ANKRD60: variants seen among roughly 807,000 people sequenced by gnomAD.
ANKRD60 encodes the protein ankyrin repeat domain-containing protein 60.
In ANKRD60, 24 loss-of-function variants were observed where a neutral mutation model predicts 21.3. That is an observed-to-expected ratio of 1.13 (90% CI 0.82 to 1.59). ANKRD60 has a LOEUF of 1.59. Ranked by LOEUF, ANKRD60 falls within the 40% of genes most tolerant of loss-of-function variation. ANKRD60 has a pLI of 0.00. For synonymous variants in ANKRD60, 182 were observed against 199.4 expected (o/e 0.91, Z 0.74); for missense variants, 490 against 466.7 (o/e 1.05, Z -0.46).
intron 3 of ANKRD60, among the ~76,000 whole-genome samples, chr20:58,220,261 C>G (rs1387282059): frequency 2.0e-5 from 3 of 152,140 alleles, no homozygotes; most frequent in African/African-American, 7.2e-5. Context: ...GTGGTCTGGG[C>G]TGTTACAGCT....
In ANKRD60 at chr20:58,227,984, G is replaced by A. The variant is rs555004410; in HGVS notation, c.430+240C>T. On this transcript the variant is annotated intron_variant, in intron 1 of 3. Coordinates refer to ENST00000457363, the Ensembl canonical transcript of ANKRD60. ...GCTTGTGGATTAGGGTCCTGCTGTGGACAAGGTTTGCCTTGATTGGGAGTC... is the reference window on the plus strand; with the variant it reads ...GCTTGTGGATTAGGGTCCTGCTGTGAACAAGGTTTGCCTTGATTGGGAGTC... 1.9e-3 allele frequency among the ~76,000 whole-genome samples: 285 copies of A among 152,274 alleles called. 1 individual carries two copies. The highest frequency in any genetic ancestry group is 5.6e-3 in the African/African-American group (232 of 41,548).
intron 3 of ANKRD60, 68 bp from the exon 4 acceptor site, chr20:58,218,873 G>A: frequency 7.1e-7 from 1 of 1,409,722 alleles, no homozygotes; most frequent in Non-Finnish European, 9.4e-7. Context: ...GTCCAGGGCT[G>A]TGAAGGGAGT....
chr20:58,228,531 C>G lies in ANKRD60; in HGVS notation c.123G>C (p.Ala41=). Residue 41 remains alanine (A), a synonymous_variant, in exon 1 of 4, where the codon GCG becomes GCC. Transcript: ENST00000457363. The surrounding 1 kb of genome is among the most constrained non-coding windows in gnomAD (Gnocchi z 5.3). ...CGCCGCACCCCTGAGCCCCGGCCCG[C>G]GCACCGCTCCTGCGTCCCGCATTGG... is the stretch of plus-strand genomic sequence containing the variant. 7.5e-7 allele frequency: 1 copy of G among 1,339,208 alleles called. No homozygotes were observed. Among genetic ancestry groups the G allele is most frequent in the African/African-American group, 1.5e-5 (1 of 64,852 alleles). The allele number at this position is 1,339,208 out of a possible 1,614,324, so 83.0% of individuals were successfully genotyped here.
rs746252660 is a variant in ANKRD60 at position 58,223,022 on chromosome 20, T to C, written c.561+30A>G. On this transcript the variant is annotated intron_variant, in intron 2 of 3. Transcript: ENST00000457363. ...CAATTTACGGTTGCTTCGTAACGTA[T>C]AATATCCATTTAAAGAAGCTTGAAA... 3.4e-5 allele frequency: 52 copies of C among 1,539,370 alleles called. No homozygotes were observed. The Middle Eastern group carries it at 8.4e-4, about 25-fold the overall frequency.
Position 58,228,287 on chromosome 20 carries a change from CTT to C in ANKRD60, c.365_366del (p.Lys122ArgfsTer27). 1.9e-6 allele frequency: 3 copies of C among 1,551,476 alleles called. No individual in the cohort carries two copies. The highest frequency in any genetic ancestry group is 1.7e-6 in the Non-Finnish European group (2 of 1,146,912). On this transcript the variant is annotated frameshift_variant, in exon 1 of 4. Coordinates refer to ENST00000457363, the Ensembl canonical transcript of ANKRD60. LOFTEE classifies it high-confidence loss of function. The surrounding 1 kb of genome is among the most constrained non-coding windows in gnomAD (Gnocchi z 5.3). ...ATGCCGACCATCAGGTCCAGCTCCT[CTT>C]TGAGCTCCCGCACGGTCATGTCGCC...
At chr20:58,216,640 G>C (rs1692046142), downstream of ANKRD60, among the ~76,000 whole-genome samples, 1 of 152,182 alleles carries the variant, frequency 6.6e-6, no homozygotes, top group South Asian at 2.1e-4. Flanking sequence ...GTCTAACAGA[G>C]TGCTGAGCTG....
At chr20:58,224,171 G>A (rs1186736186) in intron 1 of ANKRD60, among the ~76,000 whole-genome samples, 2 of 151,704 alleles carry the variant, frequency 1.3e-5, no homozygotes, top group Admixed American at 6.6e-5. Context: ...GCTAAGAGCC[G>A]ACGTGATGTG....
At chr20:58,218,566 C>A (rs745640123) in exon 4 of ANKRD60, 8 of 1,551,634 alleles carry the variant, frequency 5.2e-6, no homozygotes, top group Non-Finnish European at 7.0e-6. Context: ...TTCTTCATGA[C>A]CAAGTCATTC....
downstream of ANKRD60, among the ~76,000 whole-genome samples, chr20:58,217,513 C>T (rs549788644): frequency 6.6e-6 from 1 of 152,094 alleles, no homozygotes; most frequent in Non-Finnish European, 1.5e-5. Context: ...ATCTAGTGGC[C>T]TCTGCCTTTC....
At chr20:58,223,661 T>C (rs1338964330) in intron 1 of ANKRD60, among the ~76,000 whole-genome samples, 1 of 152,140 alleles carries the variant, frequency 6.6e-6, no homozygotes, top group Non-Finnish European at 1.5e-5. Context: ...AATTGAAGCG[T>C]GGGAGGGATT....
chr20:58,221,334 T>C lies in ANKRD60; in HGVS notation c.727+4A>G, dbSNP rs868098184. 6.5e-7 allele frequency: 1 copy of C among 1,549,200 alleles called. No individual in the cohort carries two copies. The highest frequency in any genetic ancestry group is 8.7e-7 in the Non-Finnish European group (1 of 1,145,936). ...GAATATAGCAAGCTTTCTACCAGAA[T>C]TACCGTGTTCTAGAAGGTACTGCAC... is the stretch of plus-strand genomic sequence containing the variant. On this transcript the variant is annotated splice_donor_region_variant and intron_variant, in intron 3 of 3. Transcript: ENST00000457363.
At chr20:58,227,226 G>A (rs1984383017) in intron 1 of ANKRD60, among the ~76,000 whole-genome samples, 1 of 152,206 alleles carries the variant, frequency 6.6e-6, no homozygotes, top group African/African-American at 2.4e-5. Context: ...GACAGAGTTT[G>A]TTTCAGCTTT....
chr20:58,228,472 AGGGCCCGCGAGTCCGCCGAGCCCACCCT>A lies in ANKRD60; in HGVS notation c.154_181del (p.Arg52SerfsTer56), dbSNP rs1308892846. 32 of 1,514,416 alleles carry A rather than the reference AGGGCCCGCGAGTCCGCCGAGCCCACCCT, an allele frequency of 2.1e-5. No individual in the cohort carries two copies. The highest frequency in any genetic ancestry group is 2.4e-5 in the Non-Finnish European group (27 of 1,137,192). 93.8% of individuals were successfully genotyped at this position (1,514,416 alleles called of 1,614,324 possible). A position where few individuals can be genotyped will look rare whatever the true frequency, so the allele number is the denominator to read the frequency against. On this transcript the variant is annotated frameshift_variant, in exon 1 of 4. Transcript: ENST00000457363. LOFTEE classifies it high-confidence loss of function. The surrounding 1 kb of genome is among the most constrained non-coding windows in gnomAD (Gnocchi z 5.3). ...GGCACAGGCCAGGGGCTGCGCGGGG[AGGGCCCGCGAGTCCGCCGAGCCCACCCT>A]GGGCCCGCCGCACCCCTGAGCCCCG... is the stretch of plus-strand genomic sequence containing the variant.
intron 2 of ANKRD60, 85 bp from the exon 3 acceptor site, chr20:58,221,588 G>C: frequency 7.0e-7 from 1 of 1,421,088 alleles, no homozygotes; most frequent in Non-Finnish European, 9.5e-7. Flanking sequence ...CTCAGGGGAA[G>C]GCTTGCTTGA....
chr20:58,220,017 C>T lies in ANKRD60; in HGVS notation c.728-1212G>A, dbSNP rs919354538. Among the ~76,000 whole-genome samples the T allele has an allele frequency of 4.6e-5, 7 of 152,148 alleles. No individual in the cohort carries two copies. In the East Asian group the frequency reaches 5.8e-4, roughly 13 times the overall value. On this transcript the variant is annotated intron_variant, in intron 3 of 3. Transcript: ENST00000457363. ...CACAGAGGTTTGTACACCCGATGCACGGCCCAATCATCCGGCCCAGGAAGT... is the reference window on the plus strand; with the variant it reads ...CACAGAGGTTTGTACACCCGATGCATGGCCCAATCATCCGGCCCAGGAAGT...
At chr20:58,219,586 G>A (rs1187847394) in intron 3 of ANKRD60, among the ~76,000 whole-genome samples, 2 of 152,210 alleles carry the variant, frequency 1.3e-5, no homozygotes, top group Non-Finnish European at 2.9e-5. Flanking sequence ...CTAATGACAG[G>A]TGTCCAATAT....
chr20:58,218,199 G>A (rs1271987119), downstream of ANKRD60, among the ~76,000 whole-genome samples: 1 of 152,156 alleles, frequency 6.6e-6, no homozygotes, highest in Non-Finnish European at 1.5e-5. Context: ...GGGAGAGAAG[G>A]TAATTGGCTC....
chr20:58,218,274 A>C, downstream of ANKRD60, among the ~76,000 whole-genome samples: 1 of 152,248 alleles, frequency 6.6e-6, no homozygotes, highest in East Asian at 1.9e-4. Flanking sequence ...GGCTGGCATT[A>C]GAGCCTGTTC....
At chr20:58,221,477 A>C in exon 3 of ANKRD60, 2 of 1,551,838 alleles carry the variant, frequency 1.3e-6, no homozygotes, top group Non-Finnish European at 1.7e-6. Context: ...GGTAGAAGGA[A>C]TCTTCAGTAA....
Sources: gnomAD v4.1 joint callset for allele counts (sites outside exome capture counted in the v4.1 genomes callset) on GRCh38, gnomAD v4.1.1 for gene constraint, Gnocchi (gnomAD v3.1) non-coding constraint, MANE v1.5 for transcripts, NCBI Gene and HGNC (gene_info 2026-07-23, HGNC 2026-07-21) for gene names.